Variants in FSD2 observed in about 807,000 individuals in gnomAD.
FSD2 encodes the protein fibronectin type III and SPRY domain containing 2, also known as fibronectin type III and SPRY domain-containing protein 2.
In FSD2, 71 loss-of-function variants were observed where a neutral mutation model predicts 80.4. The ratio of observed to expected loss-of-function variants is 0.88; its 90% CI spans 0.73 to 1.08. The LOEUF is 1.08. Among genes scored for constraint, FSD2 ranks in the 50% least tolerant of loss-of-function variants. The pLI is 0.00. For synonymous variants in FSD2, 361 were observed against 329.5 expected (o/e 1.10, Z -1.03); for missense variants, 923 against 913.8 (o/e 1.01, Z -0.13).
intron 6 of FSD2, among the ~76,000 whole-genome samples, chr15:82,776,194 G>C (rs914877543): frequency 6.6e-6 from 1 of 152,188 alleles, no homozygotes; most frequent in Non-Finnish European, 1.5e-5. Flanking sequence ...GGCTGAGGCA[G>C]GAGGATTTCT....
chr15:82,786,546 C>T lies in FSD2; in HGVS notation c.700G>A (p.Ala234Thr), dbSNP rs1299990598. 1.2e-6 allele frequency: 2 copies of T among 1,613,558 alleles called. No homozygotes were observed. Among genetic ancestry groups the T allele is most frequent in the South Asian group, 2.2e-5 (2 of 90,992 alleles). ...EKQIIEMENF[A>T]NHLEEVFITV... ...ATGAAAACCTCCTCCAAATGATTTGCAAAGTTTTCCATCTCAATTATCTGC... is the reference window on the plus strand; with the variant it reads ...ATGAAAACCTCCTCCAAATGATTTGTAAAGTTTTCCATCTCAATTATCTGC... Residue 234 changes from alanine (A) to threonine (T), a missense_variant, in exon 3 of 13, where the codon GCA becomes ACA. By Grantham distance (58) the Ala-to-Thr change is moderately conservative. Coordinates refer to ENST00000334574, the MANE Select transcript of FSD2 (RefSeq NM_001007122.4).
At chr15:82,790,003 T>C (rs1443464390) in intron 1 of FSD2, among the ~76,000 whole-genome samples, 1 of 152,088 alleles carries the variant, frequency 6.6e-6, no homozygotes, top group East Asian at 1.9e-4. Context: ...GGTGAAACCC[T>C]GTCTCTACTA....
chr15:82,758,643 A>G lies in FSD2; in HGVS notation c.*705T>C, dbSNP rs1483569650. 6.5e-6 allele frequency: 1 copy of G among 152,692 alleles called. No individual in the cohort carries two copies. Among genetic ancestry groups the G allele is most frequent in the East Asian group, 1.9e-4 (1 of 5,206 alleles). 9.5% of individuals were successfully genotyped at this position (152,692 alleles called of 1,614,324 possible). A position where few individuals can be genotyped will look rare whatever the true frequency, so the allele number is the denominator to read the frequency against. The stretch of plus-strand genomic sequence containing the variant: ...CCAAAGAGCAGTGGCTGAAGAAGAT[A>G]CTAATTTATTCAACAAATACTTGGT... On this transcript the variant is annotated 3_prime_UTR_variant, in exon 13 of 13. Coordinates refer to ENST00000334574, the MANE Select transcript of FSD2 (RefSeq NM_001007122.4).
intron 1 of FSD2, among the ~76,000 whole-genome samples, chr15:82,794,919 T>C (rs1156372843): frequency 6.6e-6 from 1 of 151,998 alleles, no homozygotes; most frequent in Non-Finnish European, 1.5e-5. Context: ...AGAGACGGGG[T>C]TTCACCATGT....
At chr15:82,765,338 A>T (rs1479668151) in intron 10 of FSD2, 40 bp from the exon 11 acceptor site, 1 of 1,611,832 alleles carries the variant, frequency 6.2e-7, no homozygotes. Context: ...GCAGCCAATC[A>T]CTTGCTTTCT....
intron 1 of FSD2, among the ~76,000 whole-genome samples, chr15:82,790,831 C>T (rs2050130489): frequency 6.6e-6 from 1 of 150,890 alleles, no homozygotes; most frequent in Non-Finnish European, 1.5e-5. Flanking sequence ...GTGATCCGCC[C>T]ACCTCGGACT....
intron 5 of FSD2, 75 bp from the exon 6 acceptor site, chr15:82,778,962 C>T: frequency 6.6e-7 from 1 of 1,521,698 alleles, no homozygotes; most frequent in Non-Finnish European, 8.9e-7. Flanking sequence ...TGCTGAGTCA[C>T]TGTCATAAAT....
chr15:82,766,129 T>TG, intron 9 of FSD2, 98 bp from the exon 10 acceptor site: 1 of 1,346,180 alleles, frequency 7.4e-7, no homozygotes, highest in Non-Finnish European at 9.9e-7. Context: ...AACTCACTCT[T>TG]GCGCTCCTGT....
chr15:82,763,110 G>A (rs2049328349), intron 11 of FSD2, among the ~76,000 whole-genome samples: 1 of 152,150 alleles, frequency 6.6e-6, no homozygotes, highest in Non-Finnish European at 1.5e-5. Context: ...ATAAAATGAG[G>A]CCATCTCTGC....
intron 11 of FSD2, among the ~76,000 whole-genome samples, chr15:82,763,943 G>T (rs952917624): frequency 1.3e-5 from 2 of 152,106 alleles, no homozygotes; most frequent in African/African-American, 4.8e-5. Flanking sequence ...GATCTTTCCG[G>T]CTTCTTTCAT....
In FSD2 at chr15:82,769,899, A is replaced by G. The variant is rs1473126515; in HGVS notation, c.1268-15T>C. 5 of 1,612,968 alleles carry G rather than the reference A, an allele frequency of 3.1e-6. 1 individual carries two copies. In the South Asian group the frequency reaches 4.4e-5, roughly 14 times the overall value. Reference sequence around the variant, plus strand: ...CACTGTAAACTCTGGGGAAAAAAAAAGATAAGAATTCAACCCTAAAAACTG... The same window carrying G: ...CACTGTAAACTCTGGGGAAAAAAAAGGATAAGAATTCAACCCTAAAAACTG... On this transcript the variant is annotated splice_polypyrimidine_tract_variant and intron_variant, in intron 7 of 12. Transcript: ENST00000334574.
intron 6 of FSD2, among the ~76,000 whole-genome samples, chr15:82,774,781 G>A (rs112098365): frequency 6.6e-6 from 1 of 151,580 alleles, no homozygotes; most frequent in African/African-American, 2.4e-5. Context: ...GAGTGCAGTG[G>A]TGCGATCTCG....
chr15:82,785,604 G>T (rs1345033386), intron 3 of FSD2, among the ~76,000 whole-genome samples: 1 of 152,118 alleles, frequency 6.6e-6, no homozygotes, highest in South Asian at 2.1e-4. Context: ...GATTACAGGC[G>T]TTAGCCACCG....
chr15:82,782,097 A>AT (rs2049875685), intron 4 of FSD2, among the ~76,000 whole-genome samples: 1 of 140,244 alleles, frequency 7.1e-6, no homozygotes, highest in Non-Finnish European at 1.5e-5. Flanking sequence ...AATAATAATA[A>AT]TAATAATAAA....
In FSD2 at chr15:82,756,350, T is replaced by G. The variant is rs1280557255; in HGVS notation, c.*2998A>C. ...CTGTGGACAGCTTCCAGTGTGTGAG[T>G]TGTGGAAGATGATGATTTTAACAGA... On this transcript the variant is annotated 3_prime_UTR_variant, in exon 13 of 13. Coordinates refer to ENST00000334574, the MANE Select transcript of FSD2 (RefSeq NM_001007122.4). The G allele has an allele frequency of 1.9e-5, 3 of 159,972 alleles. No homozygotes were observed. The highest frequency in any genetic ancestry group is 7.2e-5 in the African/African-American group (3 of 41,596). The allele number at this position is 159,972 out of a possible 1,614,324, so 9.9% of individuals were successfully genotyped here.
chr15:82,764,691 T>A (rs1355765958), intron 11 of FSD2, among the ~76,000 whole-genome samples: 1 of 152,026 alleles, frequency 6.6e-6, no homozygotes, highest in Non-Finnish European at 1.5e-5. Flanking sequence ...TTGACCAAGC[T>A]GGTCTCAAAC....
intron 11 of FSD2, among the ~76,000 whole-genome samples, chr15:82,764,110 C>G (rs987334850): frequency 6.6e-6 from 1 of 152,182 alleles, no homozygotes; most frequent in East Asian, 1.9e-4. Flanking sequence ...TCTGTTCTCC[C>G]ACTAGCCCAC....
At position 82,768,892 on chromosome 15, in the gene FSD2, G is replaced by A. The variant is rs780700492; in HGVS notation, c.1541C>T (p.Ser514Leu). ...ELTQAESPEA[S>L]GVTESVVGIP... ...CCTCATGACTCACTCAGTTACACCC[G>A]AGGCTTCTGGACTTTCAGCCTGGGT... The change falls in exon 9 of 13, where the codon TCG (serine) becomes TTG (leucine). Residue 514 changes from serine (S) to leucine (L), a missense_variant. Coordinates refer to ENST00000334574, the MANE Select transcript of FSD2 (RefSeq NM_001007122.4). 1.3e-5 allele frequency: 20 copies of A among 1,556,872 alleles called. No homozygotes were observed. Among genetic ancestry groups the A allele is most frequent in the South Asian group, 1.0e-4 (8 of 78,894 alleles).
intron 1 of FSD2, among the ~76,000 whole-genome samples, chr15:82,801,048 C>T (rs2050400969): frequency 6.6e-6 from 1 of 152,212 alleles, no homozygotes; most frequent in Admixed American, 6.5e-5. Context: ...AACTAACCCA[C>T]ACACTACTGC....
Sources: gnomAD v4.1 joint callset for allele counts (sites outside exome capture counted in the v4.1 genomes callset) on GRCh38, gnomAD v4.1.1 for gene constraint, MANE v1.5 for transcripts, NCBI Gene and HGNC (gene_info 2026-07-23, HGNC 2026-07-21) for gene names.